Variants in PNKD observed in about 807,000 individuals in gnomAD.
PNKD encodes the protein probable thioesterase PNKD.
A neutral mutation model predicts 45.3 loss-of-function variants in PNKD; 36 were observed. The observed-to-expected ratio is 0.80, with a 90% CI of 0.61 to 1.05. The LOEUF (loss-of-function observed/expected upper bound fraction) is 1.05, where lower values mean the gene tolerates loss of function less well. PNKD is among the 50% of genes least tolerant of loss of function. PNKD has a pLI of 0.00. For synonymous variants in PNKD, 197 were observed against 210.1 expected, an observed-to-expected ratio of 0.94 and a Z score of 0.54; for missense variants, 511 against 506.6, an observed-to-expected ratio of 1.01 and a Z score of -0.08.
At chr2:218,343,734 G>A in intron 8 of PNKD, 148 bp downstream of exon 8, 1 of 677,400 alleles carries the variant, frequency 1.5e-6, no homozygotes, top group Non-Finnish European at 2.7e-6. Flanking sequence ...GGTAGGGACA[G>A]AGTTCTGGCC....
intron 2 of PNKD, among the ~76,000 whole-genome samples, chr2:218,307,674 T>G (rs1055215026): frequency 6.6e-6 from 1 of 152,042 alleles, no homozygotes; most frequent in Non-Finnish European, 1.5e-5. Context: ...AGGGAAGCGG[T>G]TGGGGACCCC....
intron 2 of PNKD, chr2:218,279,104 G>A: frequency 1.2e-6 from 2 of 1,614,080 alleles, no homozygotes; most frequent in Non-Finnish European, 1.7e-6. Flanking sequence ...GTGGGGCACA[G>A]GAGGACAGGA....
At chr2:218,277,135 G>A (rs768759814) in intron 2 of PNKD, 29 of 1,580,416 alleles carry the variant, frequency 1.8e-5, no homozygotes, top group Non-Finnish European at 2.3e-5. Context: ...CTGTCAGATG[G>A]CTGTGACAAC....
At position 218,344,458 on chromosome 2, in the gene PNKD, A is replaced by C. The variant is rs975135454; in HGVS notation, c.872A>C (p.His291Pro). The C allele has an allele frequency of 6.4e-7, 1 of 1,572,340 alleles. No homozygotes were observed. Among genetic ancestry groups the C allele is most frequent in the African/African-American group, 1.3e-5 (1 of 74,180 alleles). The change falls in exon 9 of 10, where the codon CAT becomes CCT. Residue 291 changes from histidine to proline, a missense_variant. Coordinates refer to ENST00000273077, the MANE Select transcript of PNKD (RefSeq NM_015488.5). The stretch of plus-strand genomic sequence containing the variant: ...TCACCCTCATGGCTGTCGGTAGGTC[A>C]TGAGTATGCAGAGGAGAACCTGGGC... ...LGDDTLLWPG[H>P]EYAEENLGFA...
At chr2:218,275,546 C>T (rs148970259) in intron 2 of PNKD, 129 of 1,613,980 alleles carry the variant, frequency 8.0e-5, no homozygotes, top group Non-Finnish European at 9.3e-5. Flanking sequence ...ATCTGCAGGG[C>T]GCCAGTGATG....
intron 2 of PNKD, among the ~76,000 whole-genome samples, chr2:218,324,881 G>T (rs1694098377): frequency 6.6e-6 from 1 of 151,054 alleles, no homozygotes; most frequent in African/African-American, 2.4e-5. Context: ...GTTGCAGTAA[G>T]CCGAGATCGC....
chr2:218,301,288 G>A (rs902721537), intron 2 of PNKD, among the ~76,000 whole-genome samples: 6 of 152,158 alleles, frequency 3.9e-5, no homozygotes, highest in Admixed American at 3.3e-4. Context: ...TTGACTTAAG[G>A]GGGAATTCTG....
intron 2 of PNKD, chr2:218,323,133 G>C (rs1322848953): frequency 3.1e-6 from 4 of 1,304,934 alleles, no homozygotes; most frequent in African/African-American, 1.6e-5. Flanking sequence ...GTCCAAAGGA[G>C]AGGTCAATGG....
chr2:218,279,006 C>T (rs780866554), intron 2 of PNKD: 23 of 1,613,526 alleles, frequency 1.4e-5, no homozygotes, highest in Non-Finnish European at 1.9e-5. Context: ...ACCCCTGCCT[C>T]CCTGCCCAAC....
intron 1 of PNKD, 31 bp from the exon 2 acceptor site, chr2:218,271,348 CTT>C (rs1690822942): frequency 5.6e-6 from 9 of 1,608,262 alleles, no homozygotes; most frequent in Non-Finnish European, 7.7e-6. Context: ...CTTCTCATCT[CTT>C]CTTACTGACC....
chr2:218,309,157 G>A (rs985140150), intron 2 of PNKD, among the ~76,000 whole-genome samples: 24 of 151,802 alleles, frequency 1.6e-4, no homozygotes, highest in African/African-American at 4.1e-4. Context: ...CCACTACCAC[G>A]TTCAGCTAAT....
chr2:218,315,845 T>TA (rs1693797430), intron 2 of PNKD, among the ~76,000 whole-genome samples: 2 of 152,250 alleles, frequency 1.3e-5, no homozygotes, highest in South Asian at 4.1e-4. Flanking sequence ...CTGTCACTGT[T>TA]AACTATTATT....
Position 218,271,429 on chromosome 2 carries a change from G to A in PNKD, c.116G>A (p.Arg39Gln). The A allele has an allele frequency of 6.2e-7, 1 of 1,613,974 alleles. No homozygotes were observed. The highest frequency in any genetic ancestry group is 1.3e-5 in the African/African-American group (1 of 75,000). ...AACAAGGCTTCTCATAACAGGACCC[G>A]GGCCCTGCAAAGCCACAGCTCCCCA... Reference protein sequence around the residue: ...TANKASHNRTRALQSHSSPEG... With the variant: ...TANKASHNRTQALQSHSSPEG... Residue 39 changes from arginine to glutamine, a missense_variant, in exon 2 of 10, where the codon CGG becomes CAG. By Grantham distance (43) the Arg-to-Gln change is conservative. Transcript: ENST00000273077.
At chr2:218,277,221 T>A in intron 2 of PNKD, 1 of 1,163,160 alleles carries the variant, frequency 8.6e-7, no homozygotes, top group Non-Finnish European at 1.3e-6. Flanking sequence ...CACAACATTC[T>A]AAGGACAGAA....
At chr2:218,298,149 A>C (rs1375764175) in intron 2 of PNKD, among the ~76,000 whole-genome samples, 1 of 152,158 alleles carries the variant, frequency 6.6e-6, no homozygotes, top group Non-Finnish European at 1.5e-5. Context: ...TGTAACTGGA[A>C]GTGGGTGGCA....
intron 2 of PNKD, chr2:218,280,438 G>T: frequency 3.0e-6 from 1 of 332,654 alleles, no homozygotes; most frequent in Non-Finnish European, 5.7e-6. Flanking sequence ...AGCAGGTATG[G>T]GCATCCACTG....
At position 218,340,364 on chromosome 2, in the gene PNKD, T is replaced by TG. The variant is rs1461234836; in HGVS notation, c.465+228dup. Among the ~76,000 whole-genome samples, 1 of 151,940 alleles carries TG rather than the reference T, an allele frequency of 6.6e-6. No homozygotes were observed. The highest frequency in any genetic ancestry group is 2.4e-5 in the African/African-American group (1 of 41,366). On this transcript the variant is annotated intron_variant, in intron 4 of 9. Transcript: ENST00000273077. The surrounding 1 kb of genome is among the most constrained non-coding windows in gnomAD (Gnocchi z 4.2). ...AGTGGGGGATGCAGAGCCAGAGGGC[T>TG]GGGGGTGTTGGCCCAGGACTCTGGG...
intron 7 of PNKD, 80 bp from the exon 8 acceptor site, chr2:218,343,420 G>T: frequency 8.9e-7 from 1 of 1,123,040 alleles, no homozygotes; most frequent in South Asian, 1.3e-5. Context: ...TTACAAGCTG[G>T]TTCCCACCTG....
intron 2 of PNKD, among the ~76,000 whole-genome samples, chr2:218,271,953 T>A (rs962531618): frequency 6.6e-6 from 1 of 152,186 alleles, no homozygotes; most frequent in South Asian, 2.1e-4. Context: ...TATTGACCAA[T>A]ATTAAAGAGA....
Sources: gnomAD v4.1 joint callset for allele counts (sites outside exome capture counted in the v4.1 genomes callset) on GRCh38, gnomAD v4.1.1 for gene constraint, Gnocchi (gnomAD v3.1) non-coding constraint, MANE v1.5 for transcripts, NCBI Gene and HGNC (gene_info 2026-07-23, HGNC 2026-07-21) for gene names.